USP13: variants seen among roughly 807,000 people sequenced by gnomAD.
USP13 encodes ubiquitin specific peptidase 13, also known as ubiquitin carboxyl-terminal hydrolase 13.
USP13 carries 68 observed loss-of-function variants against 107.8 expected under a neutral mutation model. The ratio of observed to expected loss-of-function variants is 0.63; its 90% CI spans 0.52 to 0.77. The LOEUF (loss-of-function observed/expected upper bound fraction) is 0.77. Ranked by LOEUF, USP13 falls within the 30% of genes least tolerant of loss-of-function variation. The pLI is 0.00. For synonymous variants in USP13, 377 were observed against 389.5 expected (o/e 0.97, Z 0.38); for missense variants, 945 against 1,093.3 (o/e 0.86, Z 1.91).
rs1165992760 is a variant in USP13, at chr3:179,653,233, G to C, written c.8G>C (p.Arg3Pro). 1.9e-6 allele frequency: 3 copies of C among 1,545,104 alleles called. No homozygotes were observed. Among genetic ancestry groups the C allele is most frequent in the Admixed American group, 2.0e-5 (1 of 50,788 alleles). Residue 3 changes from arginine to proline, a missense_variant, in exon 1 of 21, where the codon CGC becomes CCC. Coordinates refer to ENST00000263966, the MANE Select transcript of USP13 (RefSeq NM_003940.3). The surrounding 1 kb of genome is among the most constrained non-coding windows in gnomAD (Gnocchi z 4.0). MQ[R>P]RGALFGMPGG... ...CCGGTGCGCGCCGAGGCCATGCAGC[G>C]CCGGGGCGCCCTGTTCGGCATGCCG... is the stretch of plus-strand genomic sequence containing the variant.
In USP13 at chr3:179,653,714, A is replaced by G; in HGVS notation, c.168+321A>G. 3.8e-6 allele frequency: 1 copy of G among 264,354 alleles called. No homozygotes were observed. Among genetic ancestry groups the G allele is most frequent in the South Asian group, 6.3e-5 (1 of 15,822 alleles). The allele number at this position is 264,354 out of a possible 1,614,324, so 16.4% of individuals were successfully genotyped here. ...CCCTGTTCCGAACTGCACGTTGCAG[A>G]TCGTTTGCGTCCTCCGCGGGGCAGA... On this transcript the variant is annotated intron_variant, in intron 1 of 20. Transcript: ENST00000263966. This position sits in a 1 kb window ranked among gnomAD's most constrained non-coding sequence, Gnocchi z 4.0.
At chr3:179,744,485 A>G (rs1192274258) in intron 12 of USP13, among the ~76,000 whole-genome samples, 1 of 152,146 alleles carries the variant, frequency 6.6e-6, no homozygotes, top group Non-Finnish European at 1.5e-5. Flanking sequence ...ACACAATGTA[A>G]CATCTCTTTC....
intron 1 of USP13, among the ~76,000 whole-genome samples, chr3:179,679,645 G>T (rs1217909790): frequency 3.9e-5 from 6 of 152,022 alleles, no homozygotes; most frequent in African/African-American, 1.4e-4. Flanking sequence ...CTAAAATTCA[G>T]ACATATCCTT....
intron 3 of USP13, among the ~76,000 whole-genome samples, chr3:179,695,556 C>T (rs374448153): frequency 1.3e-4 from 19 of 151,060 alleles, no homozygotes; most frequent in East Asian, 9.7e-4. Context: ...TAACTAGCAA[C>T]GACAATTATT....
chr3:179,766,915 G>A (rs1277817524), intron 19 of USP13, among the ~76,000 whole-genome samples: 1 of 152,122 alleles, frequency 6.6e-6, no homozygotes, highest in Non-Finnish European at 1.5e-5. Context: ...AGGCCACCTG[G>A]TCTCCCAGTG....
intron 11 of USP13, 125 bp downstream of exon 11, chr3:179,740,497 G>T: frequency 7.0e-6 from 10 of 1,437,874 alleles, no homozygotes; most frequent in Non-Finnish European, 9.4e-6. Flanking sequence ...TCCTGTTAAA[G>T]CTGGTTCAGA....
At chr3:179,756,001 G>A (rs1045939247) in intron 15 of USP13, among the ~76,000 whole-genome samples, 1 of 152,204 alleles carries the variant, frequency 6.6e-6, no homozygotes, top group Non-Finnish European at 1.5e-5. Context: ...AGTACAGGTG[G>A]TTCATTAAAG....
chr3:179,702,202 G>A (rs1290877617), intron 4 of USP13, among the ~76,000 whole-genome samples: 6 of 152,080 alleles, frequency 3.9e-5, no homozygotes, highest in Non-Finnish European at 7.4e-5. Context: ...TGTATTTTTA[G>A]TGCAGATGGG....
intron 19 of USP13, among the ~76,000 whole-genome samples, chr3:179,776,361 A>G (rs1427737287): frequency 6.6e-6 from 1 of 152,116 alleles, no homozygotes; most frequent in Non-Finnish European, 1.5e-5. Flanking sequence ...CCTCTATATG[A>G]CATTGAAAGG....
intron 19 of USP13, among the ~76,000 whole-genome samples, chr3:179,781,456 C>T (rs186413477): frequency 9.9e-5 from 15 of 152,224 alleles, no homozygotes; most frequent in Admixed American, 9.2e-4. Context: ...ATAAGCTTGC[C>T]ACCAGACCGG....
chr3:179,655,553 TTTTGTTTTGTTTTG>T (rs1267349203), intron 1 of USP13, among the ~76,000 whole-genome samples: 3 of 140,532 alleles, frequency 2.1e-5, no homozygotes, highest in African/African-American at 2.8e-5. Flanking sequence ...GGAAGGTTTT[TTTTGTTTTGTTTTG>T]TTTTTTTTTT....
Position 179,750,326 on chromosome 3 carries a change from G to GTGTATATATA in USP13, c.1710-1958_1710-1957insGTATATATAT, listed in dbSNP as rs1553797370. 3.8e-3 allele frequency among the ~76,000 whole-genome samples: 289 copies of GTGTATATATA among 75,830 alleles called. 1 individual carries two copies. The highest frequency in any genetic ancestry group is 7.0e-3 in the Middle Eastern group (1 of 142). The allele number at this position is 75,830 out of a possible 152,430, so 49.7% of individuals were successfully genotyped here. A position where few individuals can be genotyped will look rare whatever the true frequency, so the allele number is the denominator to read the frequency against. On this transcript the variant is annotated intron_variant, in intron 13 of 20. Coordinates refer to ENST00000263966, the MANE Select transcript of USP13 (RefSeq NM_003940.3). ...TGTGTATATATATATATATATGTGT[G>GTGTATATATA]TATATATATATATATATATGTATAT...
chr3:179,759,826 A>G (rs2108533128), intron 16 of USP13, among the ~76,000 whole-genome samples: 1 of 152,200 alleles, frequency 6.6e-6, no homozygotes, highest in Admixed American at 6.5e-5. Flanking sequence ...GGTGCACGCC[A>G]CCACCCCCAG....
intron 6 of USP13, among the ~76,000 whole-genome samples, chr3:179,711,627 C>T (rs913586403): frequency 6.6e-6 from 1 of 152,038 alleles, no homozygotes; most frequent in African/African-American, 2.4e-5. Flanking sequence ...TAGGCCTACA[C>T]AGGGTCAGGA....
At chr3:179,760,289 T>G (rs1045297605) in intron 16 of USP13, among the ~76,000 whole-genome samples, 1 of 149,768 alleles carries the variant, frequency 6.7e-6, no homozygotes, top group African/African-American at 2.5e-5. Context: ...AATGTTTTTT[T>G]TTTTTTTTTT....
At chr3:179,758,119 C>A (rs1215755411) in intron 16 of USP13, among the ~76,000 whole-genome samples, 1 of 152,038 alleles carries the variant, frequency 6.6e-6, no homozygotes, top group Non-Finnish European at 1.5e-5. Context: ...GTAGGAAGGG[C>A]AAAGCAGGTG....
intron 10 of USP13, among the ~76,000 whole-genome samples, chr3:179,736,041 A>G (rs186133375): frequency 1.3e-5 from 2 of 152,276 alleles, no homozygotes; most frequent in Admixed American, 1.3e-4. Flanking sequence ...TCATCTCTTT[A>G]AAAAAAGCTG....
intron 1 of USP13, among the ~76,000 whole-genome samples, chr3:179,657,107 C>G (rs1156723120): frequency 6.6e-6 from 1 of 152,178 alleles, no homozygotes; most frequent in African/African-American, 2.4e-5. Context: ...CCCAGTTTCT[C>G]CATCTGTAAA....
intron 3 of USP13, among the ~76,000 whole-genome samples, chr3:179,693,370 C>G (rs1712176767): frequency 6.6e-6 from 1 of 152,156 alleles, no homozygotes; most frequent in Non-Finnish European, 1.5e-5. Flanking sequence ...CCAGGCTGGT[C>G]TTGAACTTCT....
Sources: allele counts gnomAD v4.1 joint callset (sites outside exome capture counted in the v4.1 genomes callset), GRCh38; gene constraint gnomAD v4.1.1; non-coding constraint Gnocchi (gnomAD v3.1); transcripts MANE v1.5; gene names NCBI Gene and HGNC (gene_info 2026-07-23, HGNC 2026-07-21).